AK9: variants seen among roughly 807,000 people sequenced by gnomAD.
AK9 encodes the protein adenylate kinase 9.
AK9 carries 191 observed loss-of-function variants against 239.6 expected under a neutral mutation model. The observed-to-expected ratio is 0.80, with a 90% confidence interval of 0.71 to 0.90. AK9 has a LOEUF of 0.90. Ranked by LOEUF, AK9 falls within the 40% of genes least tolerant of loss-of-function variation. The pLI, the probability that AK9 is intolerant of heterozygous loss-of-function variation, is 0.00. For synonymous variants in AK9, 689 were observed against 721.0 expected (o/e 0.96, Z 0.71); for missense variants, 1,995 against 2,214.7 (o/e 0.90, Z 1.99).
At chr6:109,672,286 T>C (rs966276835) in intron 3 of AK9, 119 bp from the exon 4 acceptor site, 8 of 918,756 alleles carry the variant, frequency 8.7e-6, no homozygotes, top group Middle Eastern at 3.3e-4. Context: ...ACTTTATAAT[T>C]TACAATGCAA....
intron 1 of AK9, among the ~76,000 whole-genome samples, chr6:109,677,506 A>G (rs549617750): frequency 1.4e-4 from 21 of 152,160 alleles, no homozygotes; most frequent in Non-Finnish European, 2.6e-4. Context: ...GTTCAAATTA[A>G]TACATAAAAT....
chr6:109,509,806 C>T (rs1311916650), intron 32 of AK9, among the ~76,000 whole-genome samples: 1 of 152,046 alleles, frequency 6.6e-6, no homozygotes. Flanking sequence ...GAACCCTGCC[C>T]CTTGTGAGTT....
intron 1 of AK9, among the ~76,000 whole-genome samples, chr6:109,684,873 C>CAAAAAAAAAAAAAAAAAAA (rs60500211): frequency 9.2e-5 from 2 of 21,854 alleles, no homozygotes; most frequent in African/African-American, 1.7e-4. Flanking sequence ...GACTCCGTCT[C>CAAAAAAAAAAAAAAAAAAA]AAAAAAAAAA....
At chr6:109,585,818 C>T in intron 18 of AK9, 98 bp downstream of exon 18, 4 of 1,175,672 alleles carry the variant, frequency 3.4e-6, no homozygotes, top group Non-Finnish European at 4.6e-6. Context: ...GTGGGTATTT[C>T]TATCTAGGAA....
At chr6:109,613,294 A>G (rs1362158268) in intron 15 of AK9, among the ~76,000 whole-genome samples, 1 of 151,986 alleles carries the variant, frequency 6.6e-6, no homozygotes, top group African/African-American at 2.4e-5. Context: ...AGACTAATAT[A>G]GAAAGTTTAT....
chr6:109,567,773 A>G (rs1479534915), intron 21 of AK9, among the ~76,000 whole-genome samples: 9 of 149,614 alleles, frequency 6.0e-5, no homozygotes, highest in African/African-American at 1.7e-4. Context: ...TAGGAGATAT[A>G]CCTAATGCAA....
At chr6:109,651,384 C>G (rs1372198983) in intron 8 of AK9, among the ~76,000 whole-genome samples, 1 of 152,196 alleles carries the variant, frequency 6.6e-6, no homozygotes, top group East Asian at 1.9e-4. Context: ...AACAAAGACA[C>G]AACATACCAG....
At chr6:109,504,275 G>T (rs757128139) in intron 35 of AK9, among the ~76,000 whole-genome samples, 2 of 151,682 alleles carry the variant, frequency 1.3e-5, no homozygotes, top group African/African-American at 4.8e-5. Flanking sequence ...GAGGCAGGAG[G>T]ATCCTTTGAG....
At chr6:109,615,803 T>A (rs2128243743) in intron 13 of AK9, among the ~76,000 whole-genome samples, 1 of 152,198 alleles carries the variant, frequency 6.6e-6, no homozygotes, top group Non-Finnish European at 1.5e-5. Flanking sequence ...GCTTCCCAAT[T>A]TATGTAAAAA....
chr6:109,680,549 T>G (rs1014660734), intron 1 of AK9, among the ~76,000 whole-genome samples: 5 of 152,114 alleles, frequency 3.3e-5, no homozygotes, highest in East Asian at 3.9e-4. Flanking sequence ...TTATCCAGGA[T>G]AACTTCCCCA....
chr6:109,573,531 T>C lies in AK9; in HGVS notation c.2255A>G (p.Glu752Gly). 6.4e-7 allele frequency: 1 copy of C among 1,551,332 alleles called. No homozygotes were observed. Residue 752 changes from glutamate to glycine, a missense_variant, in exon 21 of 41, where the codon GAA becomes GGA. By Grantham distance (98) the Glu-to-Gly change is moderately conservative. This residue lies in a region of AK9 where 1,290 missense variants were observed against 1,392.7 expected (regional missense o/e 0.93). Coordinates refer to ENST00000424296, the MANE Select transcript of AK9 (RefSeq NM_001145128.3). ...GGTATCGTGAGATGCCTCAGGCTCT[T>C]CGTGAACTTCCAACTCATCACCTTC... Reference protein sequence around the residue: ...EIEGDELEVHEEPEASHDTRG... With the variant: ...EIEGDELEVHGEPEASHDTRG...
chr6:109,564,217 T>G lies in AK9; in HGVS notation c.2498A>C (p.Glu833Ala). The change falls in exon 23 of 41, where the codon GAG becomes GCG. Residue 833 changes from glutamate (E) to alanine (A), a missense_variant. By Grantham distance (107) the Glu-to-Ala change is moderately radical. Transcript: ENST00000424296. Reference protein sequence around the residue: ...PDVPEMEPFKEKIGSFIILWK... With the variant: ...PDVPEMEPFKAKIGSFIILWK... ...GAGGATGATGAAAGAACCAATCTTC[T>G]CTTTAAATGGCTCCATTTCGGGAAC... The G allele has an allele frequency of 6.4e-7, 1 of 1,551,464 alleles. No individual in the cohort carries two copies. Among genetic ancestry groups the G allele is most frequent in the Non-Finnish European group, 8.7e-7 (1 of 1,146,876 alleles).
rs746212465 is a variant in AK9, at chr6:109,632,922, C to T, written c.1254+1G>A. 1.2e-6 allele frequency: 2 copies of T among 1,610,510 alleles called. No individual in the cohort carries two copies. The highest frequency in any genetic ancestry group is 1.7e-6 in the Non-Finnish European group (2 of 1,178,306). On this transcript the variant is annotated splice_donor_variant, in intron 12 of 40. Transcript: ENST00000424296. LOFTEE classifies it high-confidence loss of function. Reference sequence around the variant, plus strand: ...AGATAGACAGATAGTTAGTTAGTCACCTTTCCTTTGTAATTTTCTGCAAGC... The same window carrying T: ...AGATAGACAGATAGTTAGTTAGTCATCTTTCCTTTGTAATTTTCTGCAAGC...
chr6:109,563,335 T>C (rs1013379416), intron 24 of AK9, among the ~76,000 whole-genome samples: 1 of 152,218 alleles, frequency 6.6e-6, no homozygotes, highest in Non-Finnish European at 1.5e-5. Flanking sequence ...CCACTTCTGC[T>C]AAATTTATAC....
chr6:109,512,450 A>G (rs1778849422), intron 32 of AK9, among the ~76,000 whole-genome samples: 1 of 151,852 alleles, frequency 6.6e-6, no homozygotes, highest in Non-Finnish European at 1.5e-5. Flanking sequence ...TACTCTATGG[A>G]CTCGCCTTGA....
At chr6:109,643,080 A>G (rs1359027817) in intron 9 of AK9, among the ~76,000 whole-genome samples, 6 of 152,174 alleles carry the variant, frequency 3.9e-5, no homozygotes, top group African/African-American at 1.2e-4. Context: ...AGTGAGGTGT[A>G]ATGGAACTAC....
At chr6:109,674,390 TGAA>T (rs925932705) in intron 2 of AK9, 129 bp from the exon 3 acceptor site, 62 of 620,938 alleles carry the variant, frequency 1.0e-4, no homozygotes, top group Middle Eastern at 4.3e-4. Context: ...CCATAAAAAA[TGAA>T]GAATAGACCC....
chr6:109,600,614 C>T (rs540403116), intron 17 of AK9, among the ~76,000 whole-genome samples: 2 of 152,140 alleles, frequency 1.3e-5, no homozygotes, highest in South Asian at 2.1e-4. Flanking sequence ...GGGAGGATTC[C>T]CTCTTTTTCT....
rs1782830016 is a variant in AK9, at chr6:109,541,172, G to A, written c.3350+875C>T. ...ACTAATGCAATAACCTTTTCAAAAT[G>A]TGTTATTTTCCCCTTGATTATAAAA... On this transcript the variant is annotated intron_variant, in intron 27 of 40. Transcript: ENST00000424296. Among the ~76,000 whole-genome samples the A allele has an allele frequency of 2.0e-5, 3 of 152,138 alleles. No individual in the cohort carries two copies. The South Asian group carries it at 6.2e-4, about 32-fold the overall frequency.
Sources: gnomAD v4.1 joint callset for allele counts (sites outside exome capture counted in the v4.1 genomes callset) on GRCh38, gnomAD v4.1.1 for gene constraint, gnomAD v4.1.1 regional missense constraint, MANE v1.5 for transcripts, NCBI Gene and HGNC (gene_info 2026-07-23, HGNC 2026-07-21) for gene names.